CREM: variants seen among roughly 807,000 people sequenced by gnomAD.
CREM encodes the protein cAMP responsive element modulator, also known as cAMP-responsive element modulator.
In CREM, 13 loss-of-function variants were observed where a neutral mutation model predicts 37.3. The observed-to-expected ratio is 0.35, with a 90% CI of 0.23 to 0.55. The LOEUF (loss-of-function observed/expected upper bound fraction) is 0.55. Ranked by LOEUF, CREM falls within the 20% of genes least tolerant of loss-of-function variation. The pLI is 0.88. For synonymous variants in CREM, 124 were observed against 120.2 expected (o/e 1.03, Z -0.21); for missense variants, 296 against 362.3 (o/e 0.82, Z 1.49).
chr10:35,149,566 G>T (rs1298895362), intron 3 of CREM, among the ~76,000 whole-genome samples: 6 of 152,156 alleles, frequency 3.9e-5, no homozygotes, highest in Admixed American at 3.9e-4. Flanking sequence ...CCATCAGGGT[G>T]CCTGGTGGAG....
At chr10:35,210,628 C>T (rs1049910176) in intron 7 of CREM, 7 of 152,058 alleles carry the variant, frequency 4.6e-5, no homozygotes, top group African/African-American at 1.7e-4. Context: ...TTTGTAGCCC[C>T]CTTCTTTAAT....
chr10:35,137,628 G>A (rs1394519417), intron 1 of CREM, among the ~76,000 whole-genome samples, 154 bp from the exon 2 acceptor site: 2 of 151,844 alleles, frequency 1.3e-5, no homozygotes, highest in Non-Finnish European at 2.9e-5. Context: ...TTTTTTTGGT[G>A]GGGGGGAGTT....
intron 6 of CREM, chr10:35,195,922 T>A: frequency 1.3e-6 from 1 of 743,014 alleles, no homozygotes; most frequent in Non-Finnish European, 2.3e-6. Flanking sequence ...GCTGACAGAT[T>A]TAGAGTTAAC....
intron 5 of CREM, among the ~76,000 whole-genome samples, chr10:35,185,896 AC>A (rs1292183666): frequency 6.6e-6 from 1 of 152,176 alleles, no homozygotes; most frequent in Non-Finnish European, 1.5e-5. Context: ...CTGTGTAGAC[AC>A]TGGCACCTTA....
At chr10:35,142,174 C>G (rs765170397) in intron 2 of CREM, among the ~76,000 whole-genome samples, 1 of 151,988 alleles carries the variant, frequency 6.6e-6, no homozygotes, top group Non-Finnish European at 1.5e-5. Flanking sequence ...GGGAATAGCT[C>G]GAGAGATTTC....
chr10:35,163,066 C>A (rs2093371625), intron 3 of CREM, among the ~76,000 whole-genome samples: 2 of 151,278 alleles, frequency 1.3e-5, no homozygotes, highest in South Asian at 4.2e-4. Context: ...ATTAGCCAGG[C>A]ATGGTGGCAC....
At chr10:35,186,978 TATGTGATATATATTATATATTATATATA>T (rs1440229310) in intron 5 of CREM, among the ~76,000 whole-genome samples, 2 of 94,408 alleles carry the variant, frequency 2.1e-5, no homozygotes, top group Non-Finnish European at 3.7e-5. Flanking sequence ...TTATATATTA[TATGTGATATATATTATATATTATATATA>T]ATATAATATA....
intron 7 of CREM, chr10:35,209,326 C>A: frequency 2.0e-6 from 2 of 985,430 alleles, no homozygotes; most frequent in Non-Finnish European, 2.4e-6. Context: ...GTCAGAGTTT[C>A]TTCCTTGCCT....
At chr10:35,140,722 C>T (rs1464254305) in intron 2 of CREM, among the ~76,000 whole-genome samples, 1 of 152,082 alleles carries the variant, frequency 6.6e-6, no homozygotes, top group Non-Finnish European at 1.5e-5. Context: ...TTAGAATAGG[C>T]CTTTGAAAGT....
chr10:35,141,630 A>G (rs1026357605), intron 2 of CREM, among the ~76,000 whole-genome samples: 1 of 152,156 alleles, frequency 6.6e-6, no homozygotes, highest in African/African-American at 2.4e-5. Context: ...CCTGCAGGAC[A>G]TGTGTTTGGA....
intron 3 of CREM, among the ~76,000 whole-genome samples, chr10:35,172,103 GTCT>G (rs776491619): frequency 8.6e-5 from 13 of 151,650 alleles, no homozygotes; most frequent in African/African-American, 2.2e-4. Context: ...GGTCAATGAA[GTCT>G]TCTTTTTGTG....
chr10:35,187,943 A>G (rs1259955939), intron 5 of CREM, among the ~76,000 whole-genome samples: 1 of 152,230 alleles, frequency 6.6e-6, no homozygotes, highest in Non-Finnish European at 1.5e-5. Context: ...GCTGGATGCT[A>G]AGGAGGAGGA....
At chr10:35,152,190 A>G (rs1368486255) in intron 3 of CREM, 1 of 152,268 alleles carries the variant, frequency 6.6e-6, no homozygotes, top group Non-Finnish European at 1.5e-5. Flanking sequence ...GTGTGGGAAC[A>G]AAAGGCGTAA....
At chr10:35,207,095 TA>T (rs748020739) in intron 7 of CREM, 44 bp downstream of exon 7, 12 of 1,583,338 alleles carry the variant, frequency 7.6e-6, no homozygotes, top group South Asian at 2.2e-5. Flanking sequence ...GGACACTTTT[TA>T]AAAATTACAG....
At chr10:35,134,689 C>A (rs566505265) in intron 1 of CREM, among the ~76,000 whole-genome samples, 4 of 152,070 alleles carry the variant, frequency 2.6e-5, no homozygotes, top group Non-Finnish European at 5.9e-5. Flanking sequence ...ATAGCATAAT[C>A]AACATATTTT....
At chr10:35,191,485 C>T (rs1467635239) in intron 6 of CREM, among the ~76,000 whole-genome samples, 1 of 151,876 alleles carries the variant, frequency 6.6e-6, no homozygotes, top group African/African-American at 2.4e-5. Flanking sequence ...AGTTTAAACA[C>T]AGCAAGGCCA....
At chr10:35,128,628 C>A (rs1266650731) in intron 1 of CREM, among the ~76,000 whole-genome samples, 2 of 151,582 alleles carry the variant, frequency 1.3e-5, no homozygotes, top group Admixed American at 1.3e-4. Context: ...TGGGTTCACG[C>A]CATTCTCCTG....
intron 3 of CREM, chr10:35,171,396 T>G (rs1399702337): frequency 6.6e-6 from 1 of 152,148 alleles, no homozygotes; most frequent in Non-Finnish European, 1.5e-5. Flanking sequence ...GGTCTTGAAC[T>G]CCTGACCTCA....
Position 35,211,521 on chromosome 10 carries a change from TTTGAAA to T in CREM, c.*129_*134del. The T allele has an allele frequency of 1.3e-6, 2 of 1,493,642 alleles. No individual in the cohort carries two copies. The highest frequency in any genetic ancestry group is 2.6e-5 in the South Asian group (2 of 75,846). The allele number at this position is 1,493,642 out of a possible 1,614,324, so 92.5% of individuals were successfully genotyped here. On this transcript the variant is annotated 3_prime_UTR_variant, in exon 8 of 8. Coordinates refer to ENST00000685392, the MANE Select transcript of CREM (RefSeq NM_183011.2). ...CTTAAGAATCCAGTTTGGATTAGTGTTTGAAATTGAATTGGGAATGTTGTTCCAGGA... is the reference window on the plus strand; with the variant it reads ...CTTAAGAATCCAGTTTGGATTAGTGTTTGAATTGGGAATGTTGTTCCAGGA...
Sources: gnomAD v4.1 joint callset for allele counts (sites outside exome capture counted in the v4.1 genomes callset) on GRCh38, gnomAD v4.1.1 for gene constraint, MANE v1.5 for transcripts, NCBI Gene and HGNC (gene_info 2026-07-23, HGNC 2026-07-21) for gene names.